The following ATP8A2 variants were observed in gnomAD, a reference collection of about 807,000 sequenced individuals.
ATP8A2 encodes the protein ATPase phospholipid transporting 8A2.
A neutral mutation model predicts 165.6 loss-of-function variants in ATP8A2; 100 were observed. The observed-to-expected ratio is 0.60, with a 90% CI of 0.51 to 0.71. The LOEUF (loss-of-function observed/expected upper bound fraction) is 0.71. ATP8A2 is among the 30% of genes least tolerant of loss of function. The pLI is 0.00. For missense variants in ATP8A2, 1,227 were observed against 1,479.5 expected (o/e 0.83, Z 2.80); for synonymous variants, 543 against 548.8 (o/e 0.99, Z 0.15).
chr13:25,631,879 TA>T (rs1366773526), intron 24 of ATP8A2, among the ~76,000 whole-genome samples: 3 of 148,464 alleles, frequency 2.0e-5, no homozygotes, highest in African/African-American at 7.4e-5. Context: ...TTTCCCAACA[TA>T]GCAAACCAAG....
At chr13:25,701,720 TAAAACA>T (rs1247271948) in intron 25 of ATP8A2, among the ~76,000 whole-genome samples, 4 of 108,098 alleles carry the variant, frequency 3.7e-5, no homozygotes, top group Non-Finnish European at 7.5e-5. Context: ...TGCTTGATAC[TAAAACA>T]CACACACACA....
At chr13:25,550,555 A>G (rs1566254365) in intron 10 of ATP8A2, among the ~76,000 whole-genome samples, 1 of 152,218 alleles carries the variant, frequency 6.6e-6, no homozygotes, top group South Asian at 2.1e-4. Context: ...GAATCTTTCT[A>G]TACTCTCCTG....
At chr13:25,817,141 A>G (rs368450584) in intron 27 of ATP8A2, among the ~76,000 whole-genome samples, 6 of 152,186 alleles carry the variant, frequency 3.9e-5, no homozygotes, top group Non-Finnish European at 1.5e-5. Flanking sequence ...TGAAAGGCTC[A>G]TTATTTCCTT....
At chr13:25,937,384 A>T (rs1954933769) in intron 33 of ATP8A2, among the ~76,000 whole-genome samples, 1 of 6,546 alleles carries the variant, frequency 1.5e-4, no homozygotes, top group Non-Finnish European at 4.0e-4. Context: ...TTTTTTGAAC[A>T]GCCCAATGTA....
chr13:25,413,252 A>C (rs953196952), intron 1 of ATP8A2, among the ~76,000 whole-genome samples: 4 of 145,468 alleles, frequency 2.7e-5, no homozygotes, highest in Non-Finnish European at 3.0e-5. Flanking sequence ...TTGTAGTCAG[A>C]CTTTTTTTTC....
Position 25,699,153 on chromosome 13 carries a change from C to A in ATP8A2, c.2212-20C>A. The A allele has an allele frequency of 6.7e-7, 1 of 1,501,558 alleles. No homozygotes were observed. 93.0% of individuals were successfully genotyped at this position (1,501,558 alleles called of 1,614,324 possible). A position where few individuals can be genotyped will look rare whatever the true frequency, so the allele number is the denominator to read the frequency against. Reference sequence around the variant, plus strand: ...TTAAACACACAAAAAATGTGATTTTCCCCTATACTCTTGTTTCAGGCCACA... The same window carrying A: ...TTAAACACACAAAAAATGTGATTTTACCCTATACTCTTGTTTCAGGCCACA... On this transcript the variant is annotated intron_variant, in intron 24 of 36. Coordinates refer to ENST00000381655, the MANE Select transcript of ATP8A2 (RefSeq NM_016529.6).
At chr13:25,948,364 C>T (rs1955265462) in intron 33 of ATP8A2, among the ~76,000 whole-genome samples, 2 of 152,098 alleles carry the variant, frequency 1.3e-5, no homozygotes, top group South Asian at 2.1e-4. Flanking sequence ...TGGCATTTAC[C>T]ATGTGCCAAG....
intron 35 of ATP8A2, among the ~76,000 whole-genome samples, chr13:26,009,187 GTA>G (rs1292059236): frequency 2.0e-5 from 3 of 152,122 alleles, no homozygotes; most frequent in African/African-American, 2.4e-5. Flanking sequence ...GCAGGACTTG[GTA>G]TAAGAGTACC....
At chr13:25,712,112 C>T (rs533304939) in intron 25 of ATP8A2, among the ~76,000 whole-genome samples, 1 of 152,236 alleles carries the variant, frequency 6.6e-6, no homozygotes, top group South Asian at 2.1e-4. Flanking sequence ...GTGTACAGGG[C>T]TATAGGATGA....
intron 16 of ATP8A2, among the ~76,000 whole-genome samples, chr13:25,568,097 T>A (rs2039368137): frequency 6.6e-6 from 1 of 152,244 alleles, no homozygotes; most frequent in Non-Finnish European, 1.5e-5. Context: ...TTTTTTCCTA[T>A]GTCATCATTT....
At chr13:25,812,366 C>T (rs1950898244) in intron 27 of ATP8A2, among the ~76,000 whole-genome samples, 2 of 148,508 alleles carry the variant, frequency 1.3e-5, no homozygotes, top group Non-Finnish European at 3.0e-5. Context: ...GACTTCACTT[C>T]TCTTTGATGC....
chr13:25,774,565 T>A (rs1426815592), intron 26 of ATP8A2, among the ~76,000 whole-genome samples: 5 of 152,220 alleles, frequency 3.3e-5, no homozygotes, highest in Non-Finnish European at 7.3e-5. Flanking sequence ...AACTTAAAAT[T>A]CAATTACAAA....
intron 35 of ATP8A2, among the ~76,000 whole-genome samples, chr13:25,986,832 T>G (rs1002683272): frequency 6.6e-6 from 1 of 152,208 alleles, no homozygotes; most frequent in Admixed American, 6.5e-5. Context: ...CCACCAATAC[T>G]GTAAAGAATA....
intron 33 of ATP8A2, among the ~76,000 whole-genome samples, chr13:25,903,081 A>C (rs1328838879): frequency 1.3e-5 from 2 of 151,948 alleles, no homozygotes; most frequent in Non-Finnish European, 2.9e-5. Flanking sequence ...ATGCCGTTGC[A>C]CTCTAGCCTG....
intron 24 of ATP8A2, among the ~76,000 whole-genome samples, chr13:25,608,412 G>T (rs534338558): frequency 6.6e-6 from 1 of 152,300 alleles, no homozygotes; most frequent in Non-Finnish European, 1.5e-5. Flanking sequence ...TTACATGACA[G>T]TATGTTCTCT....
At chr13:25,523,381 C>T (rs2037734159) in intron 2 of ATP8A2, among the ~76,000 whole-genome samples, 1 of 151,852 alleles carries the variant, frequency 6.6e-6, no homozygotes, top group Admixed American at 6.6e-5. Context: ...TAGATCCTCC[C>T]ACCTCAGCGA....
intron 1 of ATP8A2, among the ~76,000 whole-genome samples, chr13:25,435,646 T>C (rs1263454289): frequency 1.3e-5 from 2 of 152,166 alleles, no homozygotes; most frequent in Non-Finnish European, 2.9e-5. Context: ...GTTGTTCTTT[T>C]TCTTTTCTTT....
intron 35 of ATP8A2, among the ~76,000 whole-genome samples, chr13:25,980,838 C>G (rs1464674414): frequency 1.3e-5 from 2 of 152,102 alleles, no homozygotes; most frequent in Non-Finnish European, 2.9e-5. Context: ...AGCGTGTGAA[C>G]AGACACTGCA....
intron 1 of ATP8A2, among the ~76,000 whole-genome samples, chr13:25,397,800 T>C (rs778423559): frequency 5.3e-5 from 8 of 152,188 alleles, no homozygotes; most frequent in Admixed American, 4.6e-4. Flanking sequence ...AACCAATACA[T>C]ATAAGGTGTA....
Sources: gnomAD v4.1 joint callset for allele counts (sites outside exome capture counted in the v4.1 genomes callset) on GRCh38, gnomAD v4.1.1 for gene constraint, MANE v1.5 for transcripts, NCBI Gene and HGNC (gene_info 2026-07-23, HGNC 2026-07-21) for gene names.